GABBR2: variants seen among roughly 807,000 people sequenced by gnomAD.
GABBR2 encodes the protein gamma-aminobutyric acid type B receptor subunit 2.
A neutral mutation model predicts 105.6 loss-of-function variants in GABBR2; 23 were observed. That is an observed-to-expected ratio of 0.22 (90% confidence interval 0.16 to 0.31). The LOEUF (loss-of-function observed/expected upper bound fraction) is 0.31. Among genes scored for constraint, GABBR2 ranks in the 10% least tolerant of loss-of-function variants. The probability of loss-of-function intolerance (pLI) is 1.00; values close to 1 mark genes in which losing one functional copy is unlikely to be tolerated. For synonymous variants in GABBR2, 478 were observed against 499.7 expected (o/e 0.96, Z 0.58); for missense variants, 734 against 1,245.5 (o/e 0.59, Z 6.18).
At chr9:98,402,151 C>T (rs1040858080) in intron 8 of GABBR2, among the ~76,000 whole-genome samples, 2 of 152,062 alleles carry the variant, frequency 1.3e-5, no homozygotes, top group African/African-American at 2.4e-5. Flanking sequence ...TATCATTCCC[C>T]GAGATTCTTA....
intron 1 of GABBR2, chr9:98,581,070 G>C (rs954377011): frequency 6.6e-6 from 1 of 152,332 alleles, no homozygotes; most frequent in Non-Finnish European, 1.5e-5. Flanking sequence ...CCTGGGCCTC[G>C]GGGAGCTCAC....
intron 6 of GABBR2, among the ~76,000 whole-genome samples, chr9:98,463,844 C>T (rs781185316): frequency 2.8e-4 from 42 of 152,324 alleles, no homozygotes; most frequent in South Asian, 8.3e-4. Context: ...CTGTGTTGAC[C>T]GGGCTGGTGT....
chr9:98,668,883 TTGTGTG>T (rs35341252), intron 1 of GABBR2, among the ~76,000 whole-genome samples: 1,847 of 147,686 alleles, frequency 0.013, 13 homozygotes, highest in Non-Finnish European at 0.016. Context: ...ATATTCCATT[TTGTGTG>T]TGTGTGTGTG....
chr9:98,332,338 T>G (rs1831042871), intron 13 of GABBR2, among the ~76,000 whole-genome samples: 1 of 151,914 alleles, frequency 6.6e-6, no homozygotes, highest in South Asian at 2.1e-4. Flanking sequence ...TCTTAGGGAG[T>G]CAGGAAATTC....
chr9:98,395,828 G>A (rs1320812102), intron 8 of GABBR2, among the ~76,000 whole-genome samples: 2 of 151,764 alleles, frequency 1.3e-5, no homozygotes, highest in African/African-American at 2.4e-5. Context: ...CAGGGATAGG[G>A]CCCCCAGGGA....
At chr9:98,532,121 CA>C (rs1351758524) in intron 3 of GABBR2, among the ~76,000 whole-genome samples, 2 of 152,202 alleles carry the variant, frequency 1.3e-5, no homozygotes, top group African/African-American at 2.4e-5. Flanking sequence ...TATAATAACA[CA>C]AATACAGAGA....
At chr9:98,421,406 T>C (rs919665574) in intron 7 of GABBR2, among the ~76,000 whole-genome samples, 7 of 152,226 alleles carry the variant, frequency 4.6e-5, no homozygotes, top group African/African-American at 1.7e-4. Context: ...TCCAGCTCCC[T>C]ATTCCATTAG....
chr9:98,438,893 T>TC, intron 7 of GABBR2, among the ~76,000 whole-genome samples: 1 of 151,446 alleles, frequency 6.6e-6, no homozygotes, highest in African/African-American at 2.4e-5. Context: ...TCCCTCTCCC[T>TC]TCTCTCTCTC....
At chr9:98,382,275 C>T (rs914259559) in intron 11 of GABBR2, among the ~76,000 whole-genome samples, 1 of 152,136 alleles carries the variant, frequency 6.6e-6, no homozygotes. Flanking sequence ...CCTTGCCTCT[C>T]AGGGATGCCA....
At chr9:98,384,857 T>C (rs1203839370) in intron 11 of GABBR2, among the ~76,000 whole-genome samples, 1 of 152,176 alleles carries the variant, frequency 6.6e-6, no homozygotes, top group African/African-American at 2.4e-5. Flanking sequence ...AGATATACAT[T>C]ACATTTCTGG....
rs76529419 is a variant in GABBR2, at chr9:98,355,294, C to T, written c.1893+7421G>A. 2.3e-3 allele frequency among the ~76,000 whole-genome samples: 345 copies of T among 151,228 alleles called. 1 individual carries two copies. Among genetic ancestry groups the T allele is most frequent in the East Asian group, 0.015 (79 of 5,144 alleles). On this transcript the variant is annotated intron_variant, in intron 13 of 18. Coordinates refer to ENST00000259455, the MANE Select transcript of GABBR2 (RefSeq NM_005458.8). ...TATGAAAATTATCAACATGTGACAC[C>T]GAGACACAAAGTGAGTAAACGCTAT... is the stretch of plus-strand genomic sequence containing the variant.
intron 7 of GABBR2, among the ~76,000 whole-genome samples, chr9:98,447,694 C>T (rs80090441): frequency 0.011 from 1,671 of 152,092 alleles, 23 homozygotes; most frequent in African/African-American, 0.038. Context: ...TCCCCTGGAA[C>T]GAGGAACCTG....
intron 1 of GABBR2, among the ~76,000 whole-genome samples, chr9:98,583,488 T>G (rs1829030324): frequency 6.6e-6 from 1 of 152,218 alleles, no homozygotes; most frequent in African/African-American, 2.4e-5. Flanking sequence ...ACAGAACACT[T>G]AATTTTAAAG....
chr9:98,701,483 T>C (rs1830829618), intron 1 of GABBR2, among the ~76,000 whole-genome samples: 1 of 152,150 alleles, frequency 6.6e-6, no homozygotes, highest in African/African-American at 2.4e-5. Flanking sequence ...ACCTCAGTCC[T>C]TAAATGAGGG....
In GABBR2 at chr9:98,369,952, A is replaced by G. The variant is rs533434725; in HGVS notation, c.1770+1512T>C. On this transcript the variant is annotated intron_variant, in intron 12 of 18. Coordinates refer to ENST00000259455, the MANE Select transcript of GABBR2 (RefSeq NM_005458.8). ...GGGAGAGGCCTTGGTTTCCAGTGAAAAGGAGATCACTGGGTGGCTTGATAG... is the reference window on the plus strand; with the variant it reads ...GGGAGAGGCCTTGGTTTCCAGTGAAGAGGAGATCACTGGGTGGCTTGATAG... Among the ~76,000 whole-genome samples the G allele has an allele frequency of 2.2e-4, 34 of 152,174 alleles. 2 individuals carry two copies. In the South Asian group the frequency reaches 4.0e-3, roughly 18 times the overall value.
intron 13 of GABBR2, among the ~76,000 whole-genome samples, chr9:98,337,693 C>T (rs1577721): frequency 0.44 from 67,583 of 152,030 alleles, 15,176 homozygotes; most frequent in African/African-American, 0.48. Context: ...CCATGGTCAG[C>T]TGATTTTCAA....
chr9:98,671,145 A>AC (rs201313726), intron 1 of GABBR2, among the ~76,000 whole-genome samples: 46 of 151,420 alleles, frequency 3.0e-4, no homozygotes, highest in Non-Finnish European at 4.0e-4. Context: ...AACCACTGCC[A>AC]CCCCCCCGCC....
At chr9:98,430,278 G>A (rs1307382456) in intron 7 of GABBR2, among the ~76,000 whole-genome samples, 4 of 126,330 alleles carry the variant, frequency 3.2e-5, no homozygotes, top group South Asian at 2.7e-4. Flanking sequence ...GACAGAGCGA[G>A]ACTCCGTCTC....
intron 7 of GABBR2, among the ~76,000 whole-genome samples, chr9:98,436,338 ACACACACACC>A (rs1449716695): frequency 5.3e-5 from 4 of 75,828 alleles, no homozygotes; most frequent in East Asian, 1.7e-3. Flanking sequence ...ATATACACAC[ACACACACACC>A]ATATATATAT....
Sources: gnomAD v4.1 joint callset for allele counts (sites outside exome capture counted in the v4.1 genomes callset) on GRCh38, gnomAD v4.1.1 for gene constraint, MANE v1.5 for transcripts, NCBI Gene and HGNC (gene_info 2026-07-23, HGNC 2026-07-21) for gene names.